OSBP2: variants seen among roughly 807,000 people sequenced by gnomAD.
OSBP2 encodes the protein oxysterol-binding protein 2.
OSBP2 carries 66 observed loss-of-function variants against 96.0 expected under a neutral mutation model. That is an observed-to-expected ratio of 0.69 (90% CI 0.56 to 0.84). The LOEUF (loss-of-function observed/expected upper bound fraction) is 0.84. OSBP2 is among the 40% of genes least tolerant of loss of function. The pLI, the probability that OSBP2 is intolerant of heterozygous loss-of-function variation, is 0.00. For synonymous variants in OSBP2, 525 were observed against 520.9 expected (o/e 1.01, Z -0.11); for missense variants, 1,038 against 1,222.7 (o/e 0.85, Z 2.25).
At chr22:30,699,939 A>G (rs2089129684) in intron 1 of OSBP2, among the ~76,000 whole-genome samples, 2 of 151,994 alleles carry the variant, frequency 1.3e-5, no homozygotes, top group African/African-American at 4.8e-5. Context: ...TGCTTGGAAT[A>G]TAAATAAGGC....
chr22:30,873,241 T>C (rs1010763235), intron 3 of OSBP2, among the ~76,000 whole-genome samples: 15 of 152,112 alleles, frequency 9.9e-5, no homozygotes, highest in Admixed American at 3.3e-4. Context: ...CCTCATTCTC[T>C]CATTACCTCA....
At chr22:30,904,803 G>A (rs1482364182) in intron 12 of OSBP2, among the ~76,000 whole-genome samples, 1 of 152,136 alleles carries the variant, frequency 6.6e-6, no homozygotes, top group Non-Finnish European at 1.5e-5. Context: ...TATATTGTCT[G>A]ACTCCAAGGC....
intron 2 of OSBP2, among the ~76,000 whole-genome samples, chr22:30,788,394 A>T (rs114456421): frequency 3.9e-5 from 6 of 152,156 alleles, no homozygotes; most frequent in African/African-American, 1.4e-4. Flanking sequence ...CCAGCAGTAG[A>T]GAGAGGCCAG....
intron 2 of OSBP2, among the ~76,000 whole-genome samples, chr22:30,807,003 C>G (rs536178697): frequency 6.6e-6 from 1 of 152,330 alleles, no homozygotes; most frequent in East Asian, 1.9e-4. Context: ...AATTGTTGCC[C>G]ATAAACTTGA....
At chr22:30,863,090 G>A in intron 2 of OSBP2, among the ~76,000 whole-genome samples, 1 of 152,098 alleles carries the variant, frequency 6.6e-6, no homozygotes, top group Admixed American at 6.5e-5. Context: ...TGTAACATGT[G>A]GAAACCACCC....
chr22:30,843,453 C>T (rs1047784426), intron 2 of OSBP2, among the ~76,000 whole-genome samples: 1 of 148,314 alleles, frequency 6.7e-6, no homozygotes, highest in East Asian at 2.0e-4. Context: ...TTCCCCCCTC[C>T]CCCTTGAGCA....
At chr22:30,853,762 TTTTC>T (rs1323115294) in intron 2 of OSBP2, among the ~76,000 whole-genome samples, 1 of 138,550 alleles carries the variant, frequency 7.2e-6, no homozygotes, top group African/African-American at 3.0e-5. Flanking sequence ...TTCACCTCTT[TTTTC>T]TTTCTTTCTT....
chr22:30,862,238 G>T (rs1013199478), intron 2 of OSBP2, among the ~76,000 whole-genome samples: 1 of 152,218 alleles, frequency 6.6e-6, no homozygotes, highest in African/African-American at 2.4e-5. Context: ...TCCGCTCCCC[G>T]CCTGCCCCCT....
At chr22:30,821,848 A>G (rs1390298118) in intron 2 of OSBP2, among the ~76,000 whole-genome samples, 2 of 152,272 alleles carry the variant, frequency 1.3e-5, no homozygotes, top group African/African-American at 4.8e-5. Context: ...TATTAGAAAC[A>G]GCTCCTTTAG....
chr22:30,811,166 C>CA (rs1369910469), intron 2 of OSBP2, among the ~76,000 whole-genome samples: 9 of 41,448 alleles, frequency 2.2e-4, no homozygotes, highest in African/African-American at 1.2e-3. Context: ...TATACACAAC[C>CA]CCCCCCCCAC....
At chr22:30,873,124 G>A (rs572340025) in intron 3 of OSBP2, among the ~76,000 whole-genome samples, 34 of 152,322 alleles carry the variant, frequency 2.2e-4, no homozygotes, top group African/African-American at 7.9e-4. Flanking sequence ...TAGTGTCAAC[G>A]TGGAAACTGA....
intron 2 of OSBP2, among the ~76,000 whole-genome samples, chr22:30,798,869 C>T (rs1297555613): frequency 1.3e-5 from 2 of 152,074 alleles, no homozygotes; most frequent in African/African-American, 4.8e-5. Flanking sequence ...CAAACTTTAG[C>T]TGGGCATGGT....
At chr22:30,752,155 C>T (rs541652693) in intron 2 of OSBP2, among the ~76,000 whole-genome samples, 1 of 152,278 alleles carries the variant, frequency 6.6e-6, no homozygotes, top group East Asian at 1.9e-4. Flanking sequence ...TAGTGATTCT[C>T]TGCCTGTGCA....
intron 6 of OSBP2, 27 bp downstream of exon 6, chr22:30,889,261 CCAGAAGGCAG>C (rs777768799): frequency 6.2e-7 from 1 of 1,604,878 alleles, no homozygotes; most frequent in Admixed American, 1.7e-5. Flanking sequence ...ACTGTAAGGG[CCAGAAGGCAG>C]CTTCTGGCCT....
At chr22:30,799,648 G>C (rs1306481389) in intron 2 of OSBP2, among the ~76,000 whole-genome samples, 1 of 152,262 alleles carries the variant, frequency 6.6e-6, no homozygotes, top group Admixed American at 6.5e-5. Flanking sequence ...GCTCCTAGAA[G>C]AGTGTTATCT....
intron 2 of OSBP2, among the ~76,000 whole-genome samples, chr22:30,845,778 A>C (rs534035816): frequency 1.0e-4 from 15 of 146,408 alleles, no homozygotes; most frequent in African/African-American, 3.8e-4. Flanking sequence ...GCTACCTGGG[A>C]GGCTGAGGCA....
At chr22:30,788,932 C>T (rs2090635028) in intron 2 of OSBP2, among the ~76,000 whole-genome samples, 1 of 152,138 alleles carries the variant, frequency 6.6e-6, no homozygotes, top group African/African-American at 2.4e-5. Context: ...AGACTAGTCT[C>T]AAACTCCTGA....
intron 2 of OSBP2, among the ~76,000 whole-genome samples, chr22:30,804,294 C>G (rs1569130805): frequency 6.6e-6 from 1 of 152,188 alleles, no homozygotes; most frequent in Non-Finnish European, 1.5e-5. Flanking sequence ...TGTGAGATGC[C>G]TGTTCTAACC....
At position 30,861,945 on chromosome 22, in the gene OSBP2, G is replaced by A. The variant is rs115311913; in HGVS notation, c.854-8484G>A. Among the ~76,000 whole-genome samples the A allele has an allele frequency of 4.2e-3, 632 of 152,196 alleles. 6 individuals are homozygous for A. Among genetic ancestry groups the A allele is most frequent in the African/African-American group, 0.015 (603 of 41,532 alleles). ...CTCCCTGGAGCGGCATCTTCCTCCC[G>A]TGCCACCTGCCACTAAGTCACCATC... On this transcript the variant is annotated intron_variant, in intron 2 of 13. Transcript: ENST00000332585.
Sources: allele counts gnomAD v4.1 joint callset (sites outside exome capture counted in the v4.1 genomes callset), GRCh38; gene constraint gnomAD v4.1.1; transcripts MANE v1.5; gene names NCBI Gene and HGNC (gene_info 2026-07-23, HGNC 2026-07-21).